The following COL11A2 variants were observed in gnomAD, a reference collection of about 807,000 sequenced individuals.
The protein encoded by COL11A2 is collagen alpha-2(XI) chain.
A neutral mutation model predicts 273.4 loss-of-function variants in COL11A2; 116 were observed. That is an observed-to-expected ratio of 0.42 (90% CI 0.36 to 0.49). COL11A2 has a LOEUF of 0.49. COL11A2 is among the 20% of genes least tolerant of loss of function. The pLI, the probability that COL11A2 is intolerant of heterozygous loss-of-function variation, is 0.00. For synonymous variants in COL11A2, 782 were observed against 864.2 expected (o/e 0.90, Z 1.67); for missense variants, 1,866 against 2,309.0 (o/e 0.81, Z 3.93).
Position 33,167,850 on chromosome 6 carries a change from A to C in COL11A2, c.3963T>G (p.Gly1321=). 16 of 1,612,702 alleles carry C rather than the reference A, an allele frequency of 9.9e-6. No homozygotes were observed. Among genetic ancestry groups the C allele is most frequent in the Non-Finnish European group, 1.4e-5 (16 of 1,179,906 alleles). Residue 1321 remains glycine, a splice_region_variant and synonymous_variant, in exon 55 of 66, where the codon GGT becomes GGG. Coordinates refer to ENST00000341947, the MANE Select transcript of COL11A2 (RefSeq NM_080680.3). This position sits in a 1 kb window ranked among gnomAD's most constrained non-coding sequence, Gnocchi z 6.1. ...CCTCGGAACCAGGCGAGCCAGCAGG[A>C]CCCTGCAGGTGGAGTGGGAAGGAAG... ...NGPPGPLGKR[G]PAGSPGSEGR... is the part of the protein sequence containing the mutation.
In COL11A2 at chr6:33,184,990, ACCT is replaced by A. The variant is rs1772203316; in HGVS notation, c.938_939+1del. The A allele has an allele frequency of 4.5e-6, 7 of 1,550,668 alleles. No homozygotes were observed. In the East Asian group the frequency reaches 1.7e-4, roughly 38 times the overall value. On this transcript the variant is annotated splice_donor_variant and coding_sequence_variant, in exon 7 of 66. Coordinates refer to ENST00000341947, the MANE Select transcript of COL11A2 (RefSeq NM_080680.3). LOFTEE classifies it high-confidence loss of function. The stretch of plus-strand genomic sequence containing the variant: ...TGGGGTGAGGGTGGGGCATAGAGTT[ACCT>A]CCTCAAGGGGTGGCAAGAGGCTCGA...
chr6:33,167,949 A>G lies in COL11A2; in HGVS notation c.3961-97T>C, dbSNP rs888436940. The G allele has an allele frequency of 2.3e-6, 3 of 1,287,424 alleles. No homozygotes were observed. Among genetic ancestry groups the G allele is most frequent in the Non-Finnish European group, 3.3e-6 (3 of 896,158 alleles). 79.8% of individuals were successfully genotyped at this position (1,287,424 alleles called of 1,614,324 possible). ...CCTAGACACACACATACACATGCACACACACACGTGCATACACAGGGACAC... is the reference window on the plus strand; with the variant it reads ...CCTAGACACACACATACACATGCACGCACACACGTGCATACACAGGGACAC... On this transcript the variant is annotated intron_variant, in intron 54 of 65. Coordinates refer to ENST00000341947, the MANE Select transcript of COL11A2 (RefSeq NM_080680.3). The surrounding 1 kb of genome is among the most constrained non-coding windows in gnomAD (Gnocchi z 6.1).
Position 33,174,151 on chromosome 6 carries a change from A to AC in COL11A2, c.2484+13dup, listed in dbSNP as rs55730247. 2 of 1,577,266 alleles carry AC rather than the reference A, an allele frequency of 1.3e-6. No individual in the cohort carries two copies. Among genetic ancestry groups the AC allele is most frequent in the African/African-American group, 1.4e-5 (1 of 71,930 alleles). On this transcript the variant is annotated intron_variant, in intron 32 of 65. Coordinates refer to ENST00000341947, the MANE Select transcript of COL11A2 (RefSeq NM_080680.3). ...AGCCCTTCCCTTCTCACGCCCTCCC[A>AC]CCCCCCAGCTTACCCGGGCTCCCTT... is the stretch of plus-strand genomic sequence containing the variant.
At position 33,177,635 on chromosome 6, in the gene COL11A2, G is replaced by A. The variant is rs766621774; in HGVS notation, c.1917+27C>T. 2 of 1,612,448 alleles carry A rather than the reference G, an allele frequency of 1.2e-6. No individual in the cohort carries two copies. Among genetic ancestry groups the A allele is most frequent in the Non-Finnish European group, 1.7e-6 (2 of 1,179,562 alleles). On this transcript the variant is annotated intron_variant, in intron 22 of 65. Transcript: ENST00000341947. The surrounding 1 kb of genome is among the most constrained non-coding windows in gnomAD (Gnocchi z 5.9). ...CAGGGACCTCGGGGGATAAGAATGGGGGTGGGATCTCCTATCCATCACTCA... is the reference window on the plus strand; with the variant it reads ...CAGGGACCTCGGGGGATAAGAATGGAGGTGGGATCTCCTATCCATCACTCA...
upstream of COL11A2, among the ~76,000 whole-genome samples, chr6:33,193,187 C>T (rs1562400661): frequency 6.6e-6 from 1 of 152,078 alleles, no homozygotes; most frequent in African/African-American, 2.4e-5. Flanking sequence ...TGGGCCGCCT[C>T]CGGGCGGGCA....
chr6:33,183,893 TA>T (rs1160204740), intron 8 of COL11A2, among the ~76,000 whole-genome samples: 1 of 151,314 alleles, frequency 6.6e-6, no homozygotes, highest in Non-Finnish European at 1.5e-5. Context: ...AGTGGCTACA[TA>T]TTTTTTTTTT....
In COL11A2 at chr6:33,163,451, A is replaced by G. The variant is rs1768625149; in HGVS notation, c.*227T>C. On this transcript the variant is annotated 3_prime_UTR_variant, in exon 66 of 66. Coordinates refer to ENST00000341947, the MANE Select transcript of COL11A2 (RefSeq NM_080680.3). The surrounding 1 kb of genome is among the most constrained non-coding windows in gnomAD (Gnocchi z 4.1). ...AAGGGTCTCAGCTCTCTAACGGGTA[A>G]CAGGCTCCAGGTGGGAGGGCCAAGA... The G allele has an allele frequency of 6.5e-6, 4 of 616,878 alleles. No individual in the cohort carries two copies. The highest frequency in any genetic ancestry group is 1.2e-5 in the Non-Finnish European group (4 of 344,660). 38.2% of individuals were successfully genotyped at this position (616,878 alleles called of 1,614,324 possible).
chr6:33,178,703 C>T lies in COL11A2; in HGVS notation c.1695G>A (p.Gly565=). The T allele has an allele frequency of 6.2e-7, 1 of 1,612,904 alleles. No homozygotes were observed. The highest frequency in any genetic ancestry group is 8.5e-7 in the Non-Finnish European group (1 of 1,179,948). ...KGDRGFDGLP[G]LPGEKGHRGD... ...CCCTATGGCCCTTCTCTCCAGGGAGCCCTGGGAGTCCATCAAAACCTCGGT... is the reference window on the plus strand; with the variant it reads ...CCCTATGGCCCTTCTCTCCAGGGAGTCCTGGGAGTCCATCAAAACCTCGGT... The change falls in exon 18 of 66, where the codon GGG becomes GGA. Residue 565 remains glycine, a synonymous_variant. Coordinates refer to ENST00000341947, the MANE Select transcript of COL11A2 (RefSeq NM_080680.3). The surrounding 1 kb of genome is among the most constrained non-coding windows in gnomAD (Gnocchi z 4.6).
In COL11A2 at chr6:33,170,650, C is replaced by T. The variant is rs369112720; in HGVS notation, c.3475-40G>A. 8.1e-6 allele frequency: 13 copies of T among 1,611,118 alleles called. No individual in the cohort carries two copies. The African/African-American group carries it at 1.3e-4, about 17-fold the overall frequency. On this transcript the variant is annotated intron_variant, in intron 46 of 65. Coordinates refer to ENST00000341947, the MANE Select transcript of COL11A2 (RefSeq NM_080680.3). The surrounding 1 kb of genome is among the most constrained non-coding windows in gnomAD (Gnocchi z 4.3). The stretch of plus-strand genomic sequence containing the variant: ...AAAACATGGGCCCAGGTGACGACCC[C>T]ACCCAAAGCACAGCCCTAGGCAGAT...
At position 33,176,231 on chromosome 6, in the gene COL11A2, G is replaced by C. The variant is rs1265758956; in HGVS notation, c.2214+28C>G. The C allele has an allele frequency of 6.2e-7, 1 of 1,608,520 alleles. No individual in the cohort carries two copies. The highest frequency in any genetic ancestry group is 1.1e-5 in the South Asian group (1 of 90,616). On this transcript the variant is annotated intron_variant, in intron 28 of 65. Transcript: ENST00000341947. This position sits in a 1 kb window ranked among gnomAD's most constrained non-coding sequence, Gnocchi z 4.9. ...AGAGAGGAGATGGCAGGACTGAGGT[G>C]CTGGGAAGCTGGGGGCATGGTGCTC...
rs150982987 is a variant in COL11A2 at position 33,188,381 on chromosome 6, A to G, written c.587T>C (p.Leu196Pro). ...GGTTACCTCAAAGACTTCTTCATCCAGAATACGGGCACCAAAGATGATCAC... is the reference window on the plus strand; with the variant it reads ...GGTTACCTCAAAGACTTCTTCATCCGGAATACGGGCACCAAAGATGATCAC... ...HGVIIFGARI[L>P]DEEVFEGDVQ... Residue 196 changes from leucine (L) to proline (P), a missense_variant, in exon 4 of 66, where the codon CTG (leucine) becomes CCG (proline). Leu to Pro is a moderately conservative substitution (Grantham distance 98). Transcript: ENST00000341947. 165 of 1,612,970 alleles carry G rather than the reference A, an allele frequency of 1.0e-4. No homozygotes were observed. Among genetic ancestry groups the G allele is most frequent in the Non-Finnish European group, 1.3e-4 (156 of 1,180,048 alleles).
chr6:33,188,991 G>A lies in COL11A2; in HGVS notation c.430C>T (p.Leu144=), dbSNP rs1174234478. The change falls in exon 3 of 66, where the codon CTA becomes TTA. Residue 144 remains leucine (L), a synonymous_variant. Transcript: ENST00000341947. ...PSQPVFRGLS[L]ADGKWHRVAV... ...AAACAAACTTACTTGCCATCTGCTA[G>A]GCTGAGGCCTCGGAAGACTGGCTGA... The A allele has an allele frequency of 4.3e-6, 7 of 1,614,182 alleles. No individual in the cohort carries two copies. Among genetic ancestry groups the A allele is most frequent in the Admixed American group, 1.7e-5 (1 of 60,016 alleles).
Position 33,170,976 on chromosome 6 carries a change from T to C in COL11A2, c.3367-59A>G. The stretch of plus-strand genomic sequence containing the variant: ...CAGGGATGGGTCATGGGTCAGGTGT[T>C]CTCTATCCACAAATACCACACACAG... On this transcript the variant is annotated intron_variant, in intron 45 of 65. Coordinates refer to ENST00000341947, the MANE Select transcript of COL11A2 (RefSeq NM_080680.3). This position sits in a 1 kb window ranked among gnomAD's most constrained non-coding sequence, Gnocchi z 4.3. The C allele has an allele frequency of 6.3e-7, 1 of 1,591,214 alleles. No homozygotes were observed. The highest frequency in any genetic ancestry group is 1.1e-5 in the South Asian group (1 of 90,574).
rs1357511395 is a variant in COL11A2, at chr6:33,178,688, C to A, written c.1710G>T (p.Lys570Asn). 1.9e-6 allele frequency: 3 copies of A among 1,612,938 alleles called. No homozygotes were observed. Among genetic ancestry groups the A allele is most frequent in the Non-Finnish European group, 2.5e-6 (3 of 1,179,964 alleles). ...CCACTAATGTACTCACCCTATGGCCCTTCTCTCCAGGGAGCCCTGGGAGTC... is the reference window on the plus strand; with the variant it reads ...CCACTAATGTACTCACCCTATGGCCATTCTCTCCAGGGAGCCCTGGGAGTC... ...FDGLPGLPGE[K>N]GHRGDTGAQG... The change falls in exon 18 of 66, where the codon AAG (lysine) becomes AAT (asparagine). Residue 570 changes from lysine to asparagine, a missense_variant. Lys to Asn is a moderately conservative substitution (Grantham distance 94, BLOSUM62 0). Coordinates refer to ENST00000341947, the MANE Select transcript of COL11A2 (RefSeq NM_080680.3). The surrounding 1 kb of genome is among the most constrained non-coding windows in gnomAD (Gnocchi z 4.6).
Position 33,177,593 on chromosome 6 carries a change from G to A in COL11A2, c.1917+69C>T, listed in dbSNP as rs761036121. Reference sequence around the variant, plus strand: ...GGAAGCAGGCAGGGGTCAAAATGGCGGCCAACAGGATGCTGGCAGGGACCT... The same window carrying A: ...GGAAGCAGGCAGGGGTCAAAATGGCAGCCAACAGGATGCTGGCAGGGACCT... On this transcript the variant is annotated intron_variant, in intron 22 of 65. Transcript: ENST00000341947. The surrounding 1 kb of genome is among the most constrained non-coding windows in gnomAD (Gnocchi z 5.9). The A allele has an allele frequency of 5.0e-6, 8 of 1,593,448 alleles. No homozygotes were observed. Among genetic ancestry groups the A allele is most frequent in the African/African-American group, 2.7e-5 (2 of 74,512 alleles).
At position 33,178,794 on chromosome 6, in the gene COL11A2, C is replaced by G; in HGVS notation, c.1666-62G>C. 6.2e-7 allele frequency: 1 copy of G among 1,607,386 alleles called. No homozygotes were observed. Among genetic ancestry groups the G allele is most frequent in the Middle Eastern group, 1.7e-4 (1 of 6,052 alleles). On this transcript the variant is annotated intron_variant, in intron 17 of 65. Coordinates refer to ENST00000341947, the MANE Select transcript of COL11A2 (RefSeq NM_080680.3). The surrounding 1 kb of genome is among the most constrained non-coding windows in gnomAD (Gnocchi z 4.6). ...CCCTGTCCAAGCCCACCCCTCCCTA[C>G]TGCACCCTGAGCTGGGGGGGTGCTG...
chr6:33,174,610 G>A (rs1239970354), intron 30 of COL11A2, 30 bp from the exon 31 acceptor site: 2 of 1,609,078 alleles, frequency 1.2e-6, no homozygotes, highest in Non-Finnish European at 1.7e-6. Flanking sequence ...AGTTAGGAGT[G>A]AGAGGAGGCC....
At position 33,179,070 on chromosome 6, in the gene COL11A2, C is replaced by G; in HGVS notation, c.1611+3G>C. The G allele has an allele frequency of 6.2e-7, 1 of 1,613,972 alleles. No homozygotes were observed. The highest frequency in any genetic ancestry group is 2.2e-5 in the East Asian group (1 of 44,868). ...AACACCCATCCACCCCTGGGGCACT[C>G]ACCCTTCGCCCAGCCTTGCCAGGAG... is the stretch of plus-strand genomic sequence containing the variant. On this transcript the variant is annotated splice_donor_region_variant and intron_variant, in intron 16 of 65. Transcript: ENST00000341947. The surrounding 1 kb of genome is among the most constrained non-coding windows in gnomAD (Gnocchi z 6.4).
At position 33,167,718 on chromosome 6, in the gene COL11A2, G is replaced by C. The variant is rs901103443; in HGVS notation, c.4014+81C>G. 2.5e-5 allele frequency: 38 copies of C among 1,550,792 alleles called. No individual in the cohort carries two copies. Among genetic ancestry groups the C allele is most frequent in the Non-Finnish European group, 2.9e-5 (33 of 1,129,092 alleles). On this transcript the variant is annotated intron_variant, in intron 55 of 65. Transcript: ENST00000341947. This position sits in a 1 kb window ranked among gnomAD's most constrained non-coding sequence, Gnocchi z 6.1. ...GCCCAACATGGGAGAGGTGGAGATG[G>C]GGTGGGCATCTGGAGACGGAGGCAT...
Sources: gnomAD v4.1 joint callset for allele counts (sites outside exome capture counted in the v4.1 genomes callset) on GRCh38, gnomAD v4.1.1 for gene constraint, Gnocchi (gnomAD v3.1) non-coding constraint, MANE v1.5 for transcripts, NCBI Gene and HGNC (gene_info 2026-07-23, HGNC 2026-07-21) for gene names.